Variants in VEZF1 observed in about 807,000 individuals in gnomAD.
VEZF1 encodes vascular endothelial zinc finger 1.
VEZF1 carries 5 observed loss-of-function variants against 44.1 expected under a neutral mutation model. That is an observed-to-expected ratio of 0.11 (90% CI 0.06 to 0.24). VEZF1 has a LOEUF of 0.24. Among genes scored for constraint, VEZF1 ranks in the 10% least tolerant of loss-of-function variants. The pLI, the probability that VEZF1 is intolerant of heterozygous loss-of-function variation, is 1.00. For synonymous variants in VEZF1, 236 were observed against 233.1 expected (o/e 1.01, Z -0.11); for missense variants, 358 against 641.8 (o/e 0.56, Z 4.78).
At chr17:57,978,490 C>G (rs370427267) in intron 5 of VEZF1, among the ~76,000 whole-genome samples, 2 of 152,230 alleles carry the variant, frequency 1.3e-5, no homozygotes, top group African/African-American at 4.8e-5. Context: ...TTGAAAAGTA[C>G]GTTGAAAACT....
intron 4 of VEZF1, among the ~76,000 whole-genome samples, chr17:57,979,667 G>A (rs2075228206): frequency 1.3e-5 from 2 of 151,922 alleles, no homozygotes; most frequent in Admixed American, 6.6e-5. Flanking sequence ...CACTAAAAGT[G>A]AATGTTTATA....
Position 57,979,237 on chromosome 17 carries a change from T to TGCTGCTGC in VEZF1, c.1052_1053insGCAGCAGC (p.Gln354HisfsTer6), listed in dbSNP as rs1567738197. On this transcript the variant is annotated frameshift_variant, in exon 5 of 6. Transcript: ENST00000581208. LOFTEE classifies it high-confidence loss of function. ...GCCAGCTTGTCACATGTTGTTGTTG[T>TGCTGCTGC]TGTTGTTGCTGCTGCTGCTGCTGCT... The TGCTGCTGC allele has an allele frequency of 6.2e-7, 1 of 1,612,192 alleles. No individual in the cohort carries two copies. The highest frequency in any genetic ancestry group is 2.2e-5 in the East Asian group (1 of 44,872).
chr17:57,978,674 C>T (rs1326727406), intron 5 of VEZF1, among the ~76,000 whole-genome samples: 1 of 151,924 alleles, frequency 6.6e-6, no homozygotes, highest in Non-Finnish European at 1.5e-5. Context: ...ATCAACACTA[C>T]AGAATCTGAA....
chr17:57,979,069 T>C, intron 5 of VEZF1, 83 bp downstream of exon 5: 3 of 1,512,396 alleles, frequency 2.0e-6, no homozygotes, highest in Non-Finnish European at 2.7e-6. Flanking sequence ...CCTAAAACTG[T>C]GGCTTCTCTA....
At chr17:57,987,049 T>C (rs1598051593) in intron 1 of VEZF1, among the ~76,000 whole-genome samples, 1 of 152,174 alleles carries the variant, frequency 6.6e-6, no homozygotes, top group Admixed American at 6.5e-5. Flanking sequence ...GGGTCCCCCA[T>C]CTAAAGTGGG....
rs201761989 is a variant in VEZF1, at chr17:57,980,639, T to C, written c.940A>G (p.Ile314Val). 6.2e-7 allele frequency: 1 copy of C among 1,613,482 alleles called. No individual in the cohort carries two copies. Among genetic ancestry groups the C allele is most frequent in the Non-Finnish European group, 8.5e-7 (1 of 1,180,048 alleles). Reference sequence around the variant, plus strand: ...CCTTGTTTACATGTATTACAGTTGATACTTTGGCTCTGCCCATGAGTCTTT... The same window carrying C: ...CCTTGTTTACATGTATTACAGTTGACACTTTGGCTCTGCCCATGAGTCTTT... Reference protein sequence around the residue: ...HLKTHGQSQSINCNTCKQGIS... With the variant: ...HLKTHGQSQSVNCNTCKQGIS... The change falls in exon 4 of 6, where the codon ATC (isoleucine) becomes GTC (valine). Residue 314 changes from isoleucine to valine, a missense_variant. Transcript: ENST00000581208.
Position 57,983,070 on chromosome 17 carries a change from G to C in VEZF1, c.357C>G (p.Ile119Met). The change falls in exon 2 of 6, where the codon ATC becomes ATG. Residue 119 changes from isoleucine to methionine, a missense_variant. Around this residue, in one of 4 missense-constraint regions of VEZF1, gnomAD observed 117 missense variants for 207.2 expected, o/e 0.56. Transcript: ENST00000581208. The stretch of plus-strand genomic sequence containing the variant: ...ACGAAGTTCGGCTGCTGTCCCCAGC[G>C]ATGGTAGAGATAAGGGGAACCACCG... ...PTTVVPLIST[I>M]AGDSSRTSLV... 3 of 1,614,182 alleles carry C rather than the reference G, an allele frequency of 1.9e-6. No homozygotes were observed. Among genetic ancestry groups the C allele is most frequent in the Non-Finnish European group, 2.5e-6 (3 of 1,180,034 alleles).
At chr17:57,981,130 G>A (rs2075246321) in intron 3 of VEZF1, among the ~76,000 whole-genome samples, 2 of 152,086 alleles carry the variant, frequency 1.3e-5, no homozygotes, top group South Asian at 4.1e-4. Flanking sequence ...TGTAAAATGG[G>A]GATAACATCT....
At position 57,973,119 on chromosome 17, in the gene VEZF1, G is replaced by C. The variant is rs1166286306; in HGVS notation, c.*1354C>G. 1 of 151,954 alleles carries C rather than the reference G, an allele frequency of 6.6e-6. No homozygotes were observed. 9.4% of individuals were successfully genotyped at this position (151,954 alleles called of 1,614,324 possible). ...TAACGCAATGCTTTAAAAACAATGC[G>C]TGGCATGATGGTGTAAAGAGTATCT... On this transcript the variant is annotated 3_prime_UTR_variant, in exon 6 of 6. Transcript: ENST00000581208.
Position 57,972,678 on chromosome 17 carries a change from G to C in VEZF1, c.*1795C>G, listed in dbSNP as rs2075148952. The C allele has an allele frequency of 6.6e-6, 1 of 152,576 alleles. No individual in the cohort carries two copies. Among genetic ancestry groups the C allele is most frequent in the African/African-American group, 2.4e-5 (1 of 41,454 alleles). The allele number at this position is 152,576 out of a possible 1,614,324, so 9.5% of individuals were successfully genotyped here. A position where few individuals can be genotyped will look rare whatever the true frequency, so the allele number is the denominator to read the frequency against. On this transcript the variant is annotated 3_prime_UTR_variant, in exon 6 of 6. Transcript: ENST00000581208. Reference sequence around the variant, plus strand: ...ACATATACATTAAAAGTGTAGGAATGTGTTGCCTTCCTGCTAAACAGAAAG... The same window carrying C: ...ACATATACATTAAAAGTGTAGGAATCTGTTGCCTTCCTGCTAAACAGAAAG...
In VEZF1 at chr17:57,979,132, C is replaced by T; in HGVS notation, c.1138+20G>A. The T allele has an allele frequency of 6.2e-7, 1 of 1,608,718 alleles. No homozygotes were observed. Among genetic ancestry groups the T allele is most frequent in the Non-Finnish European group, 8.5e-7 (1 of 1,177,534 alleles). The stretch of plus-strand genomic sequence containing the variant: ...AACACTTCTCTAGCCATATTTTCAA[C>T]ACTGGAAGCTGTGCCTTACCTTTCT... On this transcript the variant is annotated intron_variant, in intron 5 of 5. Transcript: ENST00000581208.
At position 57,979,240 on chromosome 17, in the gene VEZF1, T is replaced by C. The variant is rs747802250; in HGVS notation, c.1050A>G (p.Gln350=). ...QQQQQQQQQQ[Q]QQQQHVTSWP... ...AGCTTGTCACATGTTGTTGTTGTTGTTGTTGCTGCTGCTGCTGCTGCTGCT... is the reference window on the plus strand; with the variant it reads ...AGCTTGTCACATGTTGTTGTTGTTGCTGTTGCTGCTGCTGCTGCTGCTGCT... Residue 350 remains glutamine, a synonymous_variant, in exon 5 of 6, where the codon CAA becomes CAG. Transcript: ENST00000581208. 7.5e-6 allele frequency: 12 copies of C among 1,598,892 alleles called. No homozygotes were observed. The highest frequency in any genetic ancestry group is 4.1e-5 in the African/African-American group (3 of 73,700).
intron 1 of VEZF1, among the ~76,000 whole-genome samples, chr17:57,984,636 AAC>A (rs2075279405): frequency 6.6e-6 from 1 of 152,124 alleles, no homozygotes; most frequent in South Asian, 2.1e-4. Flanking sequence ...CTTACTCTAT[AAC>A]CACAAGTCCC....
intron 1 of VEZF1, chr17:57,985,246 G>A: frequency 8.1e-7 from 1 of 1,230,958 alleles, no homozygotes; most frequent in East Asian, 3.2e-5. Context: ...AGTACTAAAA[G>A]CACTTACTGC....
intron 1 of VEZF1, chr17:57,985,476 G>A: frequency 8.2e-7 from 1 of 1,213,316 alleles, no homozygotes; most frequent in Non-Finnish European, 1.0e-6. Flanking sequence ...CTGGGGGAGA[G>A]ACAGAGTAAA....
chr17:57,983,776 T>C (rs1300303242), intron 1 of VEZF1, among the ~76,000 whole-genome samples: 1 of 152,204 alleles, frequency 6.6e-6, no homozygotes, highest in Admixed American at 6.5e-5. Context: ...AATAGTACCT[T>C]ACTGCAGCAA....
intron 4 of VEZF1, among the ~76,000 whole-genome samples, 155 bp from the exon 5 acceptor site, chr17:57,979,468 A>G (rs1368004098): frequency 1.3e-5 from 2 of 152,068 alleles, no homozygotes; most frequent in African/African-American, 4.8e-5. Context: ...ATATTGGTCA[A>G]AATAAACAAG....
intron 5 of VEZF1, among the ~76,000 whole-genome samples, chr17:57,976,428 C>A (rs182660736): frequency 1.6e-4 from 24 of 151,952 alleles, no homozygotes; most frequent in East Asian, 3.9e-4. Context: ...ACAAAAAAAA[C>A]CCAACAAAAC....
rs948540370 is a variant in VEZF1, at chr17:57,987,848, C to T, written c.33+231G>A. On this transcript the variant is annotated intron_variant, in intron 1 of 5. Coordinates refer to ENST00000581208, the MANE Select transcript of VEZF1 (RefSeq NM_007146.3). ...GTGTGTGCGTGTGTGTGCTGGGGGG[C>T]CCCCGGGTTCACCCCGCGGCCTGCT... is the stretch of plus-strand genomic sequence containing the variant. 2.6e-5 allele frequency among the ~76,000 whole-genome samples: 4 copies of T among 151,818 alleles called. No individual in the cohort carries two copies. In the South Asian group the frequency reaches 8.3e-4, roughly 31 times the overall value.
Sources: gnomAD v4.1 joint callset for allele counts (sites outside exome capture counted in the v4.1 genomes callset) on GRCh38, gnomAD v4.1.1 for gene constraint, gnomAD v4.1.1 regional missense constraint, MANE v1.5 for transcripts, NCBI Gene and HGNC (gene_info 2026-07-23, HGNC 2026-07-21) for gene names.